The following SPAG7 variants were observed in gnomAD, a reference collection of about 807,000 sequenced individuals.
The protein encoded by SPAG7 is sperm associated antigen 7, also known as sperm-associated antigen 7.
Under a neutral mutation model 30.6 loss-of-function variants are expected in SPAG7, and 20 were observed. The ratio of observed to expected loss-of-function variants is 0.65; its 90% CI spans 0.46 to 0.95. SPAG7 has a LOEUF of 0.95. SPAG7 is among the 40% of genes least tolerant of loss of function. The probability of loss-of-function intolerance (pLI) is 0.00; values close to 1 mark genes in which losing one functional copy is unlikely to be tolerated. For missense variants in SPAG7, 276 were observed against 291.1 expected, an observed-to-expected ratio of 0.95 and a Z score of 0.38; for synonymous variants, 127 against 104.2, an observed-to-expected ratio of 1.22 and a Z score of -1.33.
chr17:4,960,360 G>T lies in SPAG7; in HGVS notation c.243-42C>A, dbSNP rs767075045. ...GAGGGGAAAGAGCATCTTGAGCCAG[G>T]AGCGGGCCTAGTGCCCTCCTCTGGA... On this transcript the variant is annotated intron_variant, in intron 3 of 6. Transcript: ENST00000206020. The T allele has an allele frequency of 3.7e-6, 6 of 1,609,390 alleles. No individual in the cohort carries two copies. In the South Asian group the frequency reaches 6.6e-5, roughly 18 times the overall value.
At chr17:4,960,677 C>T (rs991748390) in intron 2 of SPAG7, 109 bp downstream of exon 2, 419 of 1,372,832 alleles carry the variant, frequency 3.1e-4, no homozygotes, top group Non-Finnish European at 4.0e-4. Flanking sequence ...GGCTTCCATG[C>T]GTCACCTCTC....
At chr17:4,960,429 T>A (rs747235780) in intron 3 of SPAG7, 30 bp downstream of exon 3, 1 of 1,603,834 alleles carries the variant, frequency 6.2e-7, no homozygotes, top group Admixed American at 1.7e-5. Context: ...GCCACCCATT[T>A]CCTTCCTCCC....
chr17:4,960,825 T>G lies in SPAG7; in HGVS notation c.114A>C (p.Gln38His). Residue 38 changes from glutamine to histidine, a missense_variant, in exon 2 of 7, where the codon CAA becomes CAC. By Grantham distance (24) the Gln-to-His change is conservative. Coordinates refer to ENST00000206020, the MANE Select transcript of SPAG7 (RefSeq NM_004890.3). Reference protein sequence around the residue: ...REQAARLKKLQEQEKQQKVEF... With the variant: ...REQAARLKKLHEQEKQQKVEF... ...CCACTTTCTGTTGTTTCTCTTGCTC[T>G]TGTAGTTTCTTCAGGCGGGCGGCCT... The G allele has an allele frequency of 6.2e-7, 1 of 1,614,184 alleles. No individual in the cohort carries two copies. The highest frequency in any genetic ancestry group is 8.5e-7 in the Non-Finnish European group (1 of 1,180,036).
chr17:4,963,014 A>G (rs1259621645), intron 1 of SPAG7, among the ~76,000 whole-genome samples: 2 of 151,286 alleles, frequency 1.3e-5, no homozygotes, highest in African/African-American at 4.9e-5. Flanking sequence ...TAATCCTCCC[A>G]CCTTGACCTT....
chr17:4,964,903 T>A (rs1971924712), intron 1 of SPAG7, among the ~76,000 whole-genome samples: 1 of 148,150 alleles, frequency 6.7e-6, no homozygotes, highest in Non-Finnish European at 1.5e-5. Flanking sequence ...ACCCGGCTAA[T>A]TTTTTTTTTC....
Position 4,960,774 on chromosome 17 carries a change from AGTT to A in SPAG7, c.153+9_153+11del, listed in dbSNP as rs1971848789. On this transcript the variant is annotated intron_variant, in intron 2 of 6. Transcript: ENST00000206020. Reference sequence around the variant, plus strand: ...TCCTGAGTCTGCCTTTGATCACTCCAGTTGTTCTCACCCTTTTACGAAACTCCA... The same window carrying A: ...TCCTGAGTCTGCCTTTGATCACTCCAGTTCTCACCCTTTTACGAAACTCCA... The A allele has an allele frequency of 6.2e-7, 1 of 1,612,374 alleles. No homozygotes were observed. The highest frequency in any genetic ancestry group is 1.7e-5 in the Admixed American group (1 of 60,022).
intron 3 of SPAG7, 47 bp from the exon 4 acceptor site, chr17:4,960,365 G>T: frequency 6.2e-7 from 1 of 1,606,510 alleles, no homozygotes; most frequent in South Asian, 1.1e-5. Context: ...GCCAGGAGCG[G>T]GCCTAGTGCC....
At chr17:4,960,373 G>A in intron 3 of SPAG7, 55 bp from the exon 4 acceptor site, 1 of 1,601,072 alleles carries the variant, frequency 6.2e-7, no homozygotes, top group Middle Eastern at 1.7e-4. Context: ...CGGGCCTAGT[G>A]CCCTCCTCTG....
intron 1 of SPAG7, among the ~76,000 whole-genome samples, chr17:4,964,495 G>A (rs578157501): frequency 6.6e-6 from 1 of 151,316 alleles, no homozygotes; most frequent in East Asian, 2.0e-4. Context: ...CCAAGTAGCT[G>A]GGACTACAGG....
chr17:4,967,180 G>A (rs780695964), intron 1 of SPAG7: 1 of 987,116 alleles, frequency 1.0e-6, no homozygotes, highest in Non-Finnish European at 1.2e-6. Flanking sequence ...AAGGTTGTCG[G>A]AGGGAGGCAG....
rs1349118729 is a variant in SPAG7 at position 4,959,476 on chromosome 17, C to T, written c.*58G>A. The T allele has an allele frequency of 1.4e-6, 2 of 1,408,670 alleles. No homozygotes were observed. Among genetic ancestry groups the T allele is most frequent in the African/African-American group, 1.4e-5 (1 of 70,996 alleles). The allele number at this position is 1,408,670 out of a possible 1,614,324, so 87.3% of individuals were successfully genotyped here. On this transcript the variant is annotated 3_prime_UTR_variant, in exon 7 of 7. Transcript: ENST00000206020. ...CAGGATGGGCTCTAATAGCAGCAGCCTTGTCTCTCCCTGCCCCCTGCCCTG... is the reference window on the plus strand; with the variant it reads ...CAGGATGGGCTCTAATAGCAGCAGCTTTGTCTCTCCCTGCCCCCTGCCCTG...
At chr17:4,963,646 A>C (rs1971901619) in intron 1 of SPAG7, among the ~76,000 whole-genome samples, 1 of 151,880 alleles carries the variant, frequency 6.6e-6, no homozygotes, top group African/African-American at 2.4e-5. Context: ...TTTAGTAGAG[A>C]TGGGGTTTCA....
chr17:4,960,677 C>A (rs991748390), intron 2 of SPAG7, 109 bp downstream of exon 2: 1 of 1,372,956 alleles, frequency 7.3e-7, no homozygotes, highest in African/African-American at 1.4e-5. Flanking sequence ...GGCTTCCATG[C>A]GTCACCTCTC....
In SPAG7 at chr17:4,960,309, C is replaced by T; in HGVS notation, c.252G>A (p.Val84=). 1 of 1,614,124 alleles carries T rather than the reference C, an allele frequency of 6.2e-7. No homozygotes were observed. The highest frequency in any genetic ancestry group is 1.1e-5 in the South Asian group (1 of 91,078). Residue 84 remains valine, a synonymous_variant, in exon 4 of 7, where the codon GTG becomes GTA. Coordinates refer to ENST00000206020, the MANE Select transcript of SPAG7 (RefSeq NM_004890.3). Reference sequence around the variant, plus strand: ...AGGATGTCAGGCCAGCCACTTCCACCACATCATGTCTGGGATGGGATGGCA... The same window carrying T: ...AGGATGTCAGGCCAGCCACTTCCACTACATCATGTCTGGGATGGGATGGCA... ...NKIERSILHD[V]VEVAGLTSFS... is the part of the protein sequence containing the mutation.
intron 1 of SPAG7, chr17:4,966,666 T>C: frequency 2.0e-6 from 2 of 985,470 alleles, no homozygotes; most frequent in Non-Finnish European, 2.4e-6. Context: ...CTCACAGTTA[T>C]TTTTCTCTCA....
intron 1 of SPAG7, 127 bp downstream of exon 1, chr17:4,967,593 T>G: frequency 1.3e-6 from 1 of 745,166 alleles, no homozygotes; most frequent in Non-Finnish European, 2.4e-6. Flanking sequence ...TTTTAGGGAC[T>G]CTGAGGGTCT....
chr17:4,961,961 G>A (rs1430028118), intron 1 of SPAG7, among the ~76,000 whole-genome samples: 1 of 152,102 alleles, frequency 6.6e-6, no homozygotes, highest in Admixed American at 6.6e-5. Flanking sequence ...AGGGACTACT[G>A]TATCTGGCAC....
At chr17:4,964,623 A>G (rs564817825) in intron 1 of SPAG7, among the ~76,000 whole-genome samples, 3 of 152,264 alleles carry the variant, frequency 2.0e-5, no homozygotes, top group African/African-American at 7.2e-5. Flanking sequence ...GGCCTCCCAA[A>G]GTGCTGGGAT....
intron 1 of SPAG7, among the ~76,000 whole-genome samples, chr17:4,964,955 G>C (rs1459762482): frequency 6.6e-6 from 1 of 150,570 alleles, no homozygotes; most frequent in Non-Finnish European, 1.5e-5. Context: ...CTTTGCCCAG[G>C]CTGGAGTGCA....
Sources: allele counts gnomAD v4.1 joint callset (sites outside exome capture counted in the v4.1 genomes callset), GRCh38; gene constraint gnomAD v4.1.1; transcripts MANE v1.5; gene names NCBI Gene and HGNC (gene_info 2026-07-23, HGNC 2026-07-21).